DSCAM: variants seen among roughly 807,000 people sequenced by gnomAD.
The protein encoded by DSCAM is cell adhesion molecule DSCAM.
Under a neutral mutation model 217.7 loss-of-function variants are expected in DSCAM, and 47 were observed. The observed-to-expected ratio is 0.22, with a 90% confidence interval of 0.17 to 0.28. The LOEUF (loss-of-function observed/expected upper bound fraction) is 0.28. Among genes scored for constraint, DSCAM ranks in the 10% least tolerant of loss-of-function variants. The pLI is 1.00. For synonymous variants in DSCAM, 1,056 were observed against 1,015.3 expected (o/e 1.04, Z -0.76); for missense variants, 2,080 against 2,618.3 (o/e 0.79, Z 4.49).
intron 19 of DSCAM, among the ~76,000 whole-genome samples, chr21:40,132,969 C>G (rs1459264108): frequency 6.6e-6 from 1 of 152,122 alleles, no homozygotes. Flanking sequence ...AGAGTCCCGG[C>G]AAGAAGACAA....
intron 3 of DSCAM, among the ~76,000 whole-genome samples, chr21:40,371,042 A>G (rs1422023421): frequency 6.6e-6 from 1 of 152,242 alleles, no homozygotes; most frequent in African/African-American, 2.4e-5. Context: ...CTGACCTTGT[A>G]TAAGCTTTTC....
chr21:40,244,244 A>G (rs900951991), intron 11 of DSCAM, among the ~76,000 whole-genome samples: 1 of 152,202 alleles, frequency 6.6e-6, no homozygotes, highest in Non-Finnish European at 1.5e-5. Context: ...TGAGGTCAGG[A>G]GTTCGAGACC....
rs190609273 is a variant in DSCAM, at chr21:40,145,190, C to A, written c.3019-459G>T. ...CAGGCCTGCACCCAGCAAGAACTCTCGGGCTCGCTGCTGTGTGCCAGGCCT... is the reference window on the plus strand; with the variant it reads ...CAGGCCTGCACCCAGCAAGAACTCTAGGGCTCGCTGCTGTGTGCCAGGCCT... On this transcript the variant is annotated intron_variant, in intron 16 of 32. Coordinates refer to ENST00000400454, the MANE Select transcript of DSCAM (RefSeq NM_001389.5). 6.1e-3 allele frequency among the ~76,000 whole-genome samples: 924 copies of A among 152,244 alleles called. 9 individuals carry two copies. Among genetic ancestry groups the A allele is most frequent in the Non-Finnish European group, 7.0e-3 (474 of 68,010 alleles).
intron 4 of DSCAM, among the ~76,000 whole-genome samples, chr21:40,356,332 T>TACAC (rs575402458): frequency 6.6e-6 from 1 of 151,456 alleles, no homozygotes; most frequent in African/African-American, 2.4e-5. Context: ...CATACATACA[T>TACAC]ACACACACAA....
intron 32 of DSCAM, among the ~76,000 whole-genome samples, chr21:40,040,926 C>T (rs913222287): frequency 7.8e-5 from 9 of 115,044 alleles, no homozygotes; most frequent in Admixed American, 4.4e-4. Flanking sequence ...GCCAACAACA[C>T]GAAAAAAAAA....
chr21:40,117,119 T>C (rs764859103), intron 20 of DSCAM, among the ~76,000 whole-genome samples: 1 of 152,038 alleles, frequency 6.6e-6, no homozygotes, highest in Non-Finnish European at 1.5e-5. Flanking sequence ...CAAATCCTTC[T>C]GGGATACAAA....
intron 20 of DSCAM, among the ~76,000 whole-genome samples, chr21:40,111,012 T>G (rs112046447): frequency 6.6e-6 from 1 of 152,240 alleles, no homozygotes; most frequent in Non-Finnish European, 1.5e-5. Flanking sequence ...TCCAGGAGAA[T>G]TTCCCCAATC....
intron 30 of DSCAM, among the ~76,000 whole-genome samples, chr21:40,044,620 C>T (rs2088814054): frequency 6.6e-6 from 1 of 151,918 alleles, no homozygotes; most frequent in African/African-American, 2.4e-5. Flanking sequence ...AATTACAGGA[C>T]AAAACAAGAA....
intron 28 of DSCAM, among the ~76,000 whole-genome samples, chr21:40,056,536 C>A (rs556175636): frequency 1.3e-4 from 18 of 141,480 alleles, no homozygotes; most frequent in Non-Finnish European, 2.2e-4. Flanking sequence ...TCAGTTATAG[C>A]CTGCAGTTAA....
intron 11 of DSCAM, among the ~76,000 whole-genome samples, chr21:40,224,883 T>C (rs1007123285): frequency 1.2e-4 from 19 of 152,364 alleles, no homozygotes; most frequent in Non-Finnish European, 2.5e-4. Context: ...AACAAGTCCA[T>C]GTTTTGTCCT....
intron 3 of DSCAM, among the ~76,000 whole-genome samples, chr21:40,575,052 C>A (rs2076838088): frequency 6.6e-6 from 1 of 152,136 alleles, no homozygotes; most frequent in African/African-American, 2.4e-5. Flanking sequence ...TGAAGAATCA[C>A]AAAAGTGAAA....
intron 1 of DSCAM, among the ~76,000 whole-genome samples, chr21:40,840,369 G>T (rs2092090608): frequency 6.6e-6 from 1 of 152,146 alleles, no homozygotes; most frequent in Admixed American, 6.5e-5. Context: ...ATTCCCAAGA[G>T]CTGGGGGTGG....
chr21:40,192,752 T>C (rs1292995295), intron 11 of DSCAM, among the ~76,000 whole-genome samples: 1 of 152,210 alleles, frequency 6.6e-6, no homozygotes, highest in African/African-American at 2.4e-5. Flanking sequence ...GCACAGTACT[T>C]TGTTCCTTTT....
intron 1 of DSCAM, among the ~76,000 whole-genome samples, chr21:40,715,923 G>A (rs1328630119): frequency 6.6e-6 from 1 of 152,028 alleles, no homozygotes; most frequent in African/African-American, 2.4e-5. Context: ...AGAATAGCAA[G>A]ACTTTAAAAA....
intron 21 of DSCAM, among the ~76,000 whole-genome samples, chr21:40,090,471 A>G (rs1342563676): frequency 6.6e-6 from 1 of 152,128 alleles, no homozygotes. Flanking sequence ...GCTCACAGGA[A>G]GGTCACCACG....
intron 16 of DSCAM, among the ~76,000 whole-genome samples, chr21:40,156,087 T>C (rs2090473405): frequency 6.7e-6 from 1 of 150,198 alleles, no homozygotes; most frequent in South Asian, 2.1e-4. Flanking sequence ...TATTTAATAA[T>C]ATAAATTAAA....
rs570199551 is a variant in DSCAM, at chr21:40,386,629, C to T, written c.509-17384G>A. 6.9e-4 allele frequency among the ~76,000 whole-genome samples: 105 copies of T among 152,344 alleles called. 1 individual carries two copies. Among genetic ancestry groups the T allele is most frequent in the African/African-American group, 2.4e-3 (101 of 41,576 alleles). On this transcript the variant is annotated intron_variant, in intron 3 of 32. Transcript: ENST00000400454. ...CCGTGGATCTGGCACCACCTTAACA[C>T]TTCCTCGTTAATAACACATGATTTT... is the stretch of plus-strand genomic sequence containing the variant.
intron 11 of DSCAM, among the ~76,000 whole-genome samples, chr21:40,258,982 G>GT (rs1433009205): frequency 2.6e-5 from 4 of 152,342 alleles, no homozygotes; most frequent in Admixed American, 6.5e-5. Flanking sequence ...TCTGCAGAAA[G>GT]TAAAAATGGC....
At chr21:40,526,142 C>T (rs571297438) in intron 3 of DSCAM, among the ~76,000 whole-genome samples, 10 of 152,250 alleles carry the variant, frequency 6.6e-5, no homozygotes, top group Non-Finnish European at 1.5e-4. Flanking sequence ...TCTTGCTTCT[C>T]GGGGAGCCCA....
Sources: gnomAD v4.1 joint callset for allele counts (sites outside exome capture counted in the v4.1 genomes callset) on GRCh38, gnomAD v4.1.1 for gene constraint, MANE v1.5 for transcripts, NCBI Gene and HGNC (gene_info 2026-07-23, HGNC 2026-07-21) for gene names.